DTNA: variants seen among roughly 807,000 people sequenced by gnomAD.
DTNA encodes dystrophin-related protein 3.
Under a neutral mutation model 100.7 loss-of-function variants are expected in DTNA, and 43 were observed. The ratio of observed to expected loss-of-function variants is 0.43; its 90% confidence interval spans 0.33 to 0.55. The LOEUF (loss-of-function observed/expected upper bound fraction) is 0.55. Ranked by LOEUF, DTNA falls within the 20% of genes least tolerant of loss-of-function variation. The pLI is 0.04. For synonymous variants in DTNA, 349 were observed against 347.9 expected (o/e 1.00, Z -0.04); for missense variants, 798 against 953.9 (o/e 0.84, Z 2.15).
chr18:34,739,672 G>T (rs184161591), intron 1 of DTNA, among the ~76,000 whole-genome samples: 2 of 152,282 alleles, frequency 1.3e-5, no homozygotes, highest in East Asian at 1.9e-4. Flanking sequence ...CTGGCTCAAA[G>T]AAATAGATCT....
chr18:34,544,326 TA>T lies in DTNA; in HGVS notation c.-2+50820del, dbSNP rs912377487. On this transcript the variant is annotated intron_variant, in intron 1 of 19. Coordinates refer to the DTNA transcript ENST00000283365. The stretch of plus-strand genomic sequence containing the variant: ...CTATGATTAAATAAATATGTTTTTT[TA>T]AAAAAAATAATAGAAACTCTTGCTA... Among the ~76,000 whole-genome samples the T allele has an allele frequency of 3.2e-3, 489 of 151,988 alleles. 2 individuals carry two copies. Among genetic ancestry groups the T allele is most frequent in the African/African-American group, 0.011 (455 of 41,480 alleles).
intron 3 of DTNA, among the ~76,000 whole-genome samples, chr18:34,785,918 T>G (rs74530822): frequency 0.099 from 14,995 of 152,148 alleles, 940 homozygotes; most frequent in South Asian, 0.15. Flanking sequence ...AGAGAAGTTA[T>G]AAGACTAAGA....
At chr18:34,579,909 G>T (rs539637557) in intron 1 of DTNA, among the ~76,000 whole-genome samples, 1 of 151,966 alleles carries the variant, frequency 6.6e-6, no homozygotes, top group Non-Finnish European at 1.5e-5. Flanking sequence ...TCTTCTCCTT[G>T]ATTTTCTCCC....
intron 4 of DTNA, among the ~76,000 whole-genome samples, chr18:34,795,405 G>T (rs2094927529): frequency 1.3e-5 from 2 of 152,288 alleles, no homozygotes; most frequent in South Asian, 4.1e-4. Flanking sequence ...TTTACAACTA[G>T]CATTCCAGGT....
intron 1 of DTNA, among the ~76,000 whole-genome samples, chr18:34,601,651 G>A (rs774820905): frequency 2.0e-4 from 31 of 152,156 alleles, no homozygotes; most frequent in African/African-American, 5.3e-4. Context: ...GTAAATGTAC[G>A]CCACCTGCGA....
chr18:34,671,098 G>A (rs1420484410), intron 1 of DTNA, among the ~76,000 whole-genome samples: 1 of 152,156 alleles, frequency 6.6e-6, no homozygotes, highest in Non-Finnish European at 1.5e-5. Flanking sequence ...CTGCAGCTTT[G>A]TTTACCTACT....
chr18:34,672,577 G>A lies in DTNA; in HGVS notation c.-1-83399G>A, dbSNP rs115075444. ...CTGTGTGAATGTGTGTATAAAGTACGTGAATAAAGGAGCGTTCAGCCACTA... is the reference window on the plus strand; with the variant it reads ...CTGTGTGAATGTGTGTATAAAGTACATGAATAAAGGAGCGTTCAGCCACTA... On this transcript the variant is annotated intron_variant, in intron 1 of 19. Coordinates refer to the DTNA transcript ENST00000283365. Among the ~76,000 whole-genome samples the A allele has an allele frequency of 5.1e-3, 774 of 152,236 alleles. 4 individuals carry two copies. Among genetic ancestry groups the A allele is most frequent in the African/African-American group, 0.018 (738 of 41,548 alleles).
rs139106108 is a variant in DTNA, at chr18:34,571,668, G to A, written c.-2+78154G>A. On this transcript the variant is annotated intron_variant, in intron 1 of 19. Transcript: ENST00000283365. ...TTAATTGGTGGCTGCTTTGATGTTA[G>A]CAAGAGTTTTATCCTGTTTAATTTA... Among the ~76,000 whole-genome samples the A allele has an allele frequency of 1.3e-3, 197 of 152,250 alleles. 1 individual carries two copies. Among genetic ancestry groups the A allele is most frequent in the African/African-American group, 4.5e-3 (185 of 41,554 alleles).
chr18:34,602,535 T>C (rs992748201), intron 1 of DTNA, among the ~76,000 whole-genome samples: 2 of 152,144 alleles, frequency 1.3e-5, no homozygotes, highest in Non-Finnish European at 2.9e-5. Flanking sequence ...GATAGAGATA[T>C]ATCACATTTC....
At chr18:34,670,181 A>C (rs947125987) in intron 1 of DTNA, among the ~76,000 whole-genome samples, 5 of 152,152 alleles carry the variant, frequency 3.3e-5, no homozygotes, top group Non-Finnish European at 7.3e-5. Flanking sequence ...TTGGTCTTCC[A>C]TCACTGATAC....
chr18:34,609,405 C>T (rs1285250547), intron 1 of DTNA, among the ~76,000 whole-genome samples: 4 of 151,944 alleles, frequency 2.6e-5, no homozygotes, highest in African/African-American at 4.8e-5. Context: ...CCACCCCACC[C>T]GGCTAATTTT....
At chr18:34,848,722 A>AG (rs1160199378) in intron 14 of DTNA, among the ~76,000 whole-genome samples, 3 of 152,146 alleles carry the variant, frequency 2.0e-5, no homozygotes, top group Non-Finnish European at 2.9e-5. Flanking sequence ...TGGTTAGTGA[A>AG]GGCACTAAGT....
intron 1 of DTNA, among the ~76,000 whole-genome samples, chr18:34,737,598 C>T (rs1352151031): frequency 6.6e-6 from 1 of 152,154 alleles, no homozygotes; most frequent in Non-Finnish European, 1.5e-5. Context: ...TGTGTGAATT[C>T]TCACTTCCAG....
chr18:34,691,357 C>T lies in DTNA; in HGVS notation c.-1-64619C>T, dbSNP rs574859325. On this transcript the variant is annotated intron_variant, in intron 1 of 19. Transcript: ENST00000283365. Reference sequence around the variant, plus strand: ...ATTGCTCCTTTTACAAGATTGCTTACGGATGTGTAATTTTGAGCAAGTTAC... The same window carrying T: ...ATTGCTCCTTTTACAAGATTGCTTATGGATGTGTAATTTTGAGCAAGTTAC... Among the ~76,000 whole-genome samples the T allele has an allele frequency of 4.6e-5, 7 of 152,278 alleles. No homozygotes were observed. The South Asian group carries it at 6.2e-4, about 14-fold the overall frequency.
chr18:34,612,579 A>G (rs2054439500), intron 1 of DTNA, among the ~76,000 whole-genome samples: 1 of 152,308 alleles, frequency 6.6e-6, no homozygotes. Flanking sequence ...TCTTTCTGGA[A>G]AAAAAGAAAA....
chr18:34,590,641 T>C (rs2049618532), intron 1 of DTNA, among the ~76,000 whole-genome samples: 1 of 152,188 alleles, frequency 6.6e-6, no homozygotes, highest in Non-Finnish European at 1.5e-5. Context: ...TTCTGGAGAA[T>C]GGAGGAGAGA....
At chr18:34,887,697 TAA>T (rs2096935444) in intron 22 of DTNA, 67 bp from the exon 23 acceptor site, 3 of 983,390 alleles carry the variant, frequency 3.1e-6, no homozygotes, top group Middle Eastern at 5.2e-4. Context: ...GGGGGGATCC[TAA>T]GTTTCATAAC....
At chr18:34,541,775 G>A (rs1458450308) in intron 1 of DTNA, among the ~76,000 whole-genome samples, 3 of 152,082 alleles carry the variant, frequency 2.0e-5, no homozygotes, top group Non-Finnish European at 4.4e-5. Flanking sequence ...GAGATAAAGT[G>A]AGATTAGAAG....
At chr18:34,626,370 G>T (rs2057322690) in intron 1 of DTNA, among the ~76,000 whole-genome samples, 1 of 151,888 alleles carries the variant, frequency 6.6e-6, no homozygotes, top group Admixed American at 6.6e-5. Flanking sequence ...AAGTGGAAAT[G>T]CTCCATGAAA....
Sources: gnomAD v4.1 joint callset for allele counts (sites outside exome capture counted in the v4.1 genomes callset) on GRCh38, gnomAD v4.1.1 for gene constraint, MANE v1.5 for transcripts, NCBI Gene and HGNC (gene_info 2026-07-23, HGNC 2026-07-21) for gene names.